The following CFAP299 variants were observed in gnomAD, a reference collection of about 807,000 sequenced individuals.
The protein encoded by CFAP299 is cilia- and flagella-associated protein 299.
In CFAP299, 21 loss-of-function variants were observed where a neutral mutation model predicts 27.0. That is an observed-to-expected ratio of 0.78 (90% CI 0.55 to 1.12). The LOEUF is 1.12. Ranked by LOEUF, CFAP299 falls within the 50% of genes most tolerant of loss-of-function variation. CFAP299 has a pLI of 0.00. For missense variants in CFAP299, 310 were observed against 276.6 expected (o/e 1.12, Z -0.86); for synonymous variants, 104 against 98.1 (o/e 1.06, Z -0.36).
intron 2 of CFAP299, among the ~76,000 whole-genome samples, chr4:80,497,012 C>T (rs1434142987): frequency 6.6e-6 from 1 of 152,180 alleles, no homozygotes; most frequent in Admixed American, 6.5e-5. Flanking sequence ...CTAAACCATA[C>T]ATGAGGTATC....
At chr4:80,859,756 G>T (rs145987352) in intron 3 of CFAP299, among the ~76,000 whole-genome samples, 22,120 of 152,164 alleles carry the variant, frequency 0.15, 1,973 homozygotes, top group Middle Eastern at 0.26. Context: ...CTTCTGGCTT[G>T]TAGAGTTTCT....
intron 3 of CFAP299, among the ~76,000 whole-genome samples, chr4:80,810,714 G>A (rs996052519): frequency 2.0e-5 from 3 of 152,046 alleles, no homozygotes; most frequent in Non-Finnish European, 4.4e-5. Flanking sequence ...ACTGGCCTCA[G>A]GAACTGTGAG....
intron 3 of CFAP299, among the ~76,000 whole-genome samples, chr4:80,698,178 G>C (rs1203106411): frequency 6.6e-6 from 1 of 152,106 alleles, no homozygotes; most frequent in African/African-American, 2.4e-5. Flanking sequence ...TCTCTGAGGG[G>C]CCACTTTTTA....
chr4:80,882,433 T>A (rs1011910317), intron 4 of CFAP299, among the ~76,000 whole-genome samples: 1 of 151,898 alleles, frequency 6.6e-6, no homozygotes, highest in Non-Finnish European at 1.5e-5. Flanking sequence ...GGTCAGGAGA[T>A]CGAGACCATC....
intron 4 of CFAP299, chr4:80,873,053 C>G (rs1733188352): frequency 1.1e-6 from 1 of 949,228 alleles, no homozygotes; most frequent in Non-Finnish European, 1.3e-6. Flanking sequence ...TTTTGGAAGT[C>G]ATAAATATAC....
chr4:80,646,727 G>A (rs940826098), intron 3 of CFAP299, among the ~76,000 whole-genome samples: 5 of 151,970 alleles, frequency 3.3e-5, no homozygotes, highest in Non-Finnish European at 5.9e-5. Flanking sequence ...TTGATAGTTT[G>A]TTCTTTCTAC....
At chr4:80,775,065 A>G (rs186849984) in intron 3 of CFAP299, among the ~76,000 whole-genome samples, 27 of 146,832 alleles carry the variant, frequency 1.8e-4, no homozygotes, top group African/African-American at 6.5e-4. Context: ...TAATAAAATA[A>G]AAAAATAAAA....
At chr4:80,384,590 A>G (rs4693007) in intron 2 of CFAP299, among the ~76,000 whole-genome samples, 149,352 of 152,316 alleles carry the variant, frequency 0.98, 73,291 homozygotes, top group Middle Eastern at 1. Context: ...TTCAGGAGAT[A>G]AGAGGAAAAA....
chr4:80,616,602 C>T (rs1054173257), intron 3 of CFAP299, among the ~76,000 whole-genome samples: 1 of 152,016 alleles, frequency 6.6e-6, no homozygotes, highest in Non-Finnish European at 1.5e-5. Flanking sequence ...ACTCCTGACA[C>T]TCAGACAATG....
At chr4:80,838,110 G>A (rs1039312018) in intron 3 of CFAP299, among the ~76,000 whole-genome samples, 1 of 152,124 alleles carries the variant, frequency 6.6e-6, no homozygotes, top group Admixed American at 6.5e-5. Context: ...TGATGGGGTT[G>A]TTTGTTTTTT....
intron 3 of CFAP299, among the ~76,000 whole-genome samples, chr4:80,613,504 A>G (rs540857413): frequency 3.1e-4 from 47 of 152,298 alleles, no homozygotes; most frequent in Admixed American, 7.8e-4. Context: ...GGTTACATGC[A>G]TAATGTCAAT....
At chr4:80,337,353 T>C (rs566903820) in intron 1 of CFAP299, among the ~76,000 whole-genome samples, 21 of 152,314 alleles carry the variant, frequency 1.4e-4, no homozygotes, top group African/African-American at 4.8e-4. Flanking sequence ...AACATTAATA[T>C]TAATTACAGA....
intron 3 of CFAP299, among the ~76,000 whole-genome samples, chr4:80,614,263 C>T (rs539771679): frequency 5.9e-5 from 9 of 152,250 alleles, no homozygotes; most frequent in African/African-American, 1.7e-4. Flanking sequence ...TTTAAGTCTT[C>T]AAGGAGTGAT....
chr4:80,522,513 C>G (rs901979260), intron 2 of CFAP299, among the ~76,000 whole-genome samples: 17 of 151,978 alleles, frequency 1.1e-4, no homozygotes, highest in Non-Finnish European at 2.9e-5. Flanking sequence ...TTGATGTATT[C>G]TCACTTGTCT....
In CFAP299 at chr4:80,919,353, A is replaced by G. The variant is rs544598474; in HGVS notation, c.477-25457A>G. The stretch of plus-strand genomic sequence containing the variant: ...ACAGCCCTCTAATTCAACTCATAGA[A>G]CAAATGTGGTACAAGAAGTTCAAGG... On this transcript the variant is annotated intron_variant, in intron 4 of 5. Transcript: ENST00000358105. Among the ~76,000 whole-genome samples the G allele has an allele frequency of 4.5e-4, 68 of 152,152 alleles. 1 individual carries two copies. Among genetic ancestry groups the G allele is most frequent in the Non-Finnish European group, 9.4e-4 (64 of 68,016 alleles).
At chr4:80,496,896 G>A (rs72874049) in intron 2 of CFAP299, among the ~76,000 whole-genome samples, 5 of 152,026 alleles carry the variant, frequency 3.3e-5, no homozygotes, top group Admixed American at 1.3e-4. Context: ...GTGAATGTAC[G>A]TGCAAGAGAG....
At chr4:80,334,340 C>T (rs558410658), upstream of CFAP299, among the ~76,000 whole-genome samples, 1 of 152,270 alleles carries the variant, frequency 6.6e-6, no homozygotes, top group Admixed American at 6.5e-5. Context: ...TCTCTAGATG[C>T]TTTACTGTTT....
chr4:80,686,225 C>A (rs1350859676), intron 3 of CFAP299, among the ~76,000 whole-genome samples: 1 of 152,178 alleles, frequency 6.6e-6, no homozygotes, highest in Non-Finnish European at 1.5e-5. Flanking sequence ...ACCTTCTACT[C>A]ATGAGTGGCA....
intron 1 of CFAP299, among the ~76,000 whole-genome samples, chr4:80,346,512 C>A (rs914110694): frequency 5.3e-5 from 8 of 152,190 alleles, no homozygotes; most frequent in African/African-American, 1.9e-4. Context: ...GTTTTCCCAG[C>A]ACCATTTATT....
Sources: gnomAD v4.1 joint callset for allele counts (sites outside exome capture counted in the v4.1 genomes callset) on GRCh38, gnomAD v4.1.1 for gene constraint, MANE v1.5 for transcripts, NCBI Gene and HGNC (gene_info 2026-07-23, HGNC 2026-07-21) for gene names.